TSHZ2: variants seen among roughly 807,000 people sequenced by gnomAD.
TSHZ2 encodes teashirt homolog 2.
In TSHZ2, 21 loss-of-function variants were observed where a neutral mutation model predicts 74.4. The observed-to-expected ratio is 0.28, with a 90% CI of 0.20 to 0.41. The LOEUF (loss-of-function observed/expected upper bound fraction) is 0.41. Among genes scored for constraint, TSHZ2 ranks in the 10% least tolerant of loss-of-function variants. The pLI, the probability that TSHZ2 is intolerant of heterozygous loss-of-function variation, is 1.00. For missense variants in TSHZ2, 1,244 were observed against 1,293.5 expected (o/e 0.96, Z 0.59); for synonymous variants, 540 against 515.3 (o/e 1.05, Z -0.65).
chr20:53,427,751 G>GC (rs1983705261), intron 2 of TSHZ2, among the ~76,000 whole-genome samples: 1 of 152,154 alleles, frequency 6.6e-6, no homozygotes, highest in African/African-American at 2.4e-5. Context: ...CATACAATGT[G>GC]CCCCCCAACT....
At chr20:52,987,363 C>T (rs2074349726) in intron 1 of TSHZ2, among the ~76,000 whole-genome samples, 1 of 152,118 alleles carries the variant, frequency 6.6e-6, no homozygotes, top group Admixed American at 6.5e-5. Flanking sequence ...GGAATCTGTA[C>T]ATTAGATATC....
chr20:53,442,648 C>T (rs1984383305), intron 2 of TSHZ2, among the ~76,000 whole-genome samples: 1 of 152,188 alleles, frequency 6.6e-6, no homozygotes, highest in Admixed American at 6.5e-5. Flanking sequence ...GACTCTTAGC[C>T]ATGCAAATCT....
intron 1 of TSHZ2, among the ~76,000 whole-genome samples, chr20:53,020,087 GA>G (rs1180319397): frequency 3.3e-5 from 5 of 152,084 alleles, no homozygotes; most frequent in Non-Finnish European, 7.3e-5. Context: ...GAGCTCGTGA[GA>G]ACCCCCGCAC....
At chr20:53,276,708 C>T (rs553534956) in intron 2 of TSHZ2, among the ~76,000 whole-genome samples, 24 of 152,166 alleles carry the variant, frequency 1.6e-4, no homozygotes, top group Non-Finnish European at 2.5e-4. Context: ...CGCCATCCCC[C>T]GAGTGTCAGA....
intron 1 of TSHZ2, among the ~76,000 whole-genome samples, chr20:53,041,327 C>A (rs572130546): frequency 6.6e-6 from 1 of 152,214 alleles, no homozygotes. Context: ...TAGCAAGATG[C>A]CAAAATCAGA....
At chr20:53,392,482 G>A (rs974582033) in intron 2 of TSHZ2, among the ~76,000 whole-genome samples, 19 of 152,116 alleles carry the variant, frequency 1.2e-4, no homozygotes, top group Admixed American at 9.8e-4. Flanking sequence ...TCATTCTGAA[G>A]GGTTTTCATG....
rs1008329770 is a variant in TSHZ2, at chr20:53,028,127, G to T, written c.40+54794G>T. Reference sequence around the variant, plus strand: ...CTTCTCTCTGCCTTGGGCTCAATTTGTTGGGAAATGGTGGTGGTGGATAGC... The same window carrying T: ...CTTCTCTCTGCCTTGGGCTCAATTTTTTGGGAAATGGTGGTGGTGGATAGC... On this transcript the variant is annotated intron_variant, in intron 1 of 2. Transcript: ENST00000371497. Among the ~76,000 whole-genome samples, 6 of 152,264 alleles carry T rather than the reference G, an allele frequency of 3.9e-5. No homozygotes were observed. The South Asian group carries it at 1.0e-3, about 26-fold the overall frequency.
At chr20:52,987,598 T>C (rs1981822420) in intron 1 of TSHZ2, among the ~76,000 whole-genome samples, 1 of 150,410 alleles carries the variant, frequency 6.6e-6, no homozygotes, top group Non-Finnish European at 1.5e-5. Flanking sequence ...TGTTTCAAAG[T>C]TGTTTGAGGG....
At chr20:53,189,723 T>G (rs990889479) in intron 1 of TSHZ2, among the ~76,000 whole-genome samples, 2 of 152,112 alleles carry the variant, frequency 1.3e-5, no homozygotes, top group Non-Finnish European at 2.9e-5. Flanking sequence ...TCAGGAAATA[T>G]TTATAGAATA....
intron 1 of TSHZ2, among the ~76,000 whole-genome samples, chr20:53,090,031 T>A (rs563570934): frequency 6.6e-6 from 1 of 152,302 alleles, no homozygotes; most frequent in South Asian, 2.1e-4. Flanking sequence ...GACAGTGCAG[T>A]CTTCAGTTTG....
intron 2 of TSHZ2, among the ~76,000 whole-genome samples, chr20:53,309,455 A>G (rs1978688207): frequency 6.6e-6 from 1 of 152,212 alleles, no homozygotes; most frequent in Admixed American, 6.5e-5. Flanking sequence ...AGAGAAGAGG[A>G]AAAGAAAGGA....
chr20:53,112,984 C>T (rs1255029771), intron 1 of TSHZ2, among the ~76,000 whole-genome samples: 1 of 152,178 alleles, frequency 6.6e-6, no homozygotes, highest in Non-Finnish European at 1.5e-5. Flanking sequence ...GTGGAAGGCA[C>T]AAGTTAACTT....
At chr20:53,038,466 T>C (rs1270896051) in intron 1 of TSHZ2, among the ~76,000 whole-genome samples, 2 of 152,148 alleles carry the variant, frequency 1.3e-5, no homozygotes, top group East Asian at 3.9e-4. Context: ...ATGCCTTTCC[T>C]GCTGAATCCT....
chr20:53,068,342 G>A (rs1208866847), intron 1 of TSHZ2, among the ~76,000 whole-genome samples: 1 of 152,054 alleles, frequency 6.6e-6, no homozygotes, highest in Non-Finnish European at 1.5e-5. Flanking sequence ...AAGTTTTGTT[G>A]TTGTCCTTCT....
intron 1 of TSHZ2, among the ~76,000 whole-genome samples, chr20:53,158,592 T>G (rs1044068702): frequency 2.0e-5 from 3 of 152,178 alleles, no homozygotes; most frequent in Admixed American, 2.0e-4. Context: ...TTAAATGAGA[T>G]GATCTCAATA....
At chr20:53,415,188 C>A (rs551394126) in intron 2 of TSHZ2, among the ~76,000 whole-genome samples, 16 of 152,096 alleles carry the variant, frequency 1.1e-4, no homozygotes, top group Admixed American at 2.6e-4. Context: ...TATTGAAAAC[C>A]CTTAAGGCTT....
chr20:53,396,228 T>C (rs753983175), intron 2 of TSHZ2, among the ~76,000 whole-genome samples: 20 of 152,240 alleles, frequency 1.3e-4, no homozygotes, highest in Admixed American at 8.5e-4. Context: ...TGAGCCACTG[T>C]GCCCGGCCAT....
At chr20:53,160,815 G>A (rs1354586880) in intron 1 of TSHZ2, among the ~76,000 whole-genome samples, 1 of 150,626 alleles carries the variant, frequency 6.6e-6, no homozygotes. Context: ...CTACACCTCT[G>A]GAAACATTTT....
chr20:53,340,174 TTTCTTTTTTC>T (rs1336401257), intron 2 of TSHZ2, among the ~76,000 whole-genome samples: 2 of 55,982 alleles, frequency 3.6e-5, no homozygotes, highest in African/African-American at 2.4e-4. Context: ...GTGACTTTTC[TTTCTTTTTTC>T]TTTTTTTTTT....
Sources: allele counts gnomAD v4.1 joint callset (sites outside exome capture counted in the v4.1 genomes callset), GRCh38; gene constraint gnomAD v4.1.1; transcripts MANE v1.5; gene names NCBI Gene and HGNC (gene_info 2026-07-23, HGNC 2026-07-21).